ARID3A: variants seen among roughly 807,000 people sequenced by gnomAD.
ARID3A encodes AT-rich interaction domain 3A.
Under a neutral mutation model 52.7 loss-of-function variants are expected in ARID3A, and 11 were observed. That is an observed-to-expected ratio of 0.21 (90% confidence interval 0.13 to 0.35). The LOEUF is 0.35. ARID3A is among the 10% of genes least tolerant of loss of function. The pLI is 1.00. For missense variants in ARID3A, 721 were observed against 838.5 expected (o/e 0.86, Z 1.73); for synonymous variants, 404 against 359.4 (o/e 1.12, Z -1.40).
At chr19:963,868 C>G (rs79249343) in intron 4 of ARID3A, among the ~76,000 whole-genome samples, 1,575 of 152,314 alleles carry the variant, frequency 0.01, 23 homozygotes, top group African/African-American at 0.036. Flanking sequence ...GTGGAGGGAA[C>G]AGGCCTCTGG....
At chr19:937,402 G>C (rs1238568167) in intron 3 of ARID3A, among the ~76,000 whole-genome samples, 1 of 152,208 alleles carries the variant, frequency 6.6e-6, no homozygotes, top group Non-Finnish European at 1.5e-5. Flanking sequence ...TTTCACGGCT[G>C]AGTCATACTC....
chr19:948,796 G>A lies in ARID3A; in HGVS notation c.694-11296G>A, dbSNP rs373486969. On this transcript the variant is annotated intron_variant, in intron 3 of 8. Coordinates refer to ENST00000263620, the MANE Select transcript of ARID3A (RefSeq NM_005224.3). ...ACGATCTCAGCTCACTGCAACCTCCGCCTCCCGGATTCAAGTGATTCTCCT... is the reference window on the plus strand; with the variant it reads ...ACGATCTCAGCTCACTGCAACCTCCACCTCCCGGATTCAAGTGATTCTCCT... 2.9e-4 allele frequency among the ~76,000 whole-genome samples: 39 copies of A among 133,690 alleles called. No individual in the cohort carries two copies. In the East Asian group the frequency reaches 8.4e-3, roughly 29 times the overall value. The allele number at this position is 133,690 out of a possible 152,430, so 87.7% of individuals were successfully genotyped here.
At chr19:925,823 C>G (rs1462807722), upstream of ARID3A, 1 of 152,152 alleles carries the variant, frequency 6.6e-6, no homozygotes, top group African/African-American at 2.4e-5. Context: ...TGCGCGTCGT[C>G]AGACCGCGGG....
intron 2 of ARID3A, among the ~76,000 whole-genome samples, chr19:931,790 A>G (rs1240030720): frequency 3.4e-5 from 5 of 149,196 alleles, no homozygotes; most frequent in African/African-American, 9.8e-5. Context: ...TCCAGCCTGG[A>G]CGACAGAGCG....
rs1402498737 is a variant in ARID3A, at chr19:941,533, C to T, written c.693+8791C>T. Among the ~76,000 whole-genome samples the T allele has an allele frequency of 6.6e-6, 1 of 152,130 alleles. No homozygotes were observed. The highest frequency in any genetic ancestry group is 1.5e-5 in the Non-Finnish European group (1 of 68,022). ...TTCCCACGTCCCTGTTTTGCGTGGACCTGTTGGTGAGTGTGTCCAGACGTG... is the reference window on the plus strand; with the variant it reads ...TTCCCACGTCCCTGTTTTGCGTGGATCTGTTGGTGAGTGTGTCCAGACGTG... On this transcript the variant is annotated intron_variant, in intron 3 of 8. Transcript: ENST00000263620. This position sits in a 1 kb window ranked among gnomAD's most constrained non-coding sequence, Gnocchi z 6.9.
At chr19:937,136 C>T (rs10414086) in intron 3 of ARID3A, among the ~76,000 whole-genome samples, 17,716 of 151,906 alleles carry the variant, frequency 0.12, 1,371 homozygotes, top group East Asian at 0.41. Context: ...GGTGTGGTGG[C>T]GGGCACCTAT....
chr19:935,141 G>A (rs768276370), intron 3 of ARID3A, among the ~76,000 whole-genome samples: 13 of 152,314 alleles, frequency 8.5e-5, no homozygotes, highest in Admixed American at 5.9e-4. Context: ...GCTTGGCACC[G>A]TCTCTGCCTC....
At chr19:958,669 G>A (rs149656861) in intron 3 of ARID3A, among the ~76,000 whole-genome samples, 1,822 of 152,106 alleles carry the variant, frequency 0.012, 33 homozygotes, top group African/African-American at 0.042. Context: ...CGAGGCGGGC[G>A]GATCACGAGG....
In ARID3A at chr19:944,479, C is replaced by T. The variant is rs2037634038; in HGVS notation, c.693+11737C>T. On this transcript the variant is annotated intron_variant, in intron 3 of 8. Transcript: ENST00000263620. The surrounding 1 kb of genome is among the most constrained non-coding windows in gnomAD (Gnocchi z 5.9). ...AGCCCCGTTGCTTCGGTCGATGCCC[C>T]CAAACCTTGACCCATCTCAGGGGCA... Among the ~76,000 whole-genome samples the T allele has an allele frequency of 6.6e-6, 1 of 152,124 alleles. No individual in the cohort carries two copies. The highest frequency in any genetic ancestry group is 1.5e-5 in the Non-Finnish European group (1 of 68,006).
intron 3 of ARID3A, among the ~76,000 whole-genome samples, chr19:933,422 G>A: frequency 6.6e-6 from 1 of 152,200 alleles, no homozygotes; most frequent in African/African-American, 2.4e-5. Context: ...TGCTGGGCCG[G>A]GCAGATGGAA....
At chr19:949,869 T>C (rs1187725069) in intron 3 of ARID3A, among the ~76,000 whole-genome samples, 1 of 150,396 alleles carries the variant, frequency 6.6e-6, no homozygotes, top group Non-Finnish European at 1.5e-5. Flanking sequence ...AGAGACGGGG[T>C]TTCTCCATGT....
chr19:935,612 C>T (rs535896872), intron 3 of ARID3A, among the ~76,000 whole-genome samples: 3 of 151,558 alleles, frequency 2.0e-5, no homozygotes, highest in South Asian at 2.1e-4. Flanking sequence ...TGAGTAGCTG[C>T]GAGTACAGAC....
At chr19:966,113 ATCGCGCCACTGCCC>A (rs1476792893) in intron 6 of ARID3A, among the ~76,000 whole-genome samples, 1 of 151,316 alleles carries the variant, frequency 6.6e-6, no homozygotes, top group African/African-American at 2.4e-5. Flanking sequence ...GTGAGCTGGG[ATCGCGCCACTGCCC>A]TCCAGCCTAA....
rs2038359476 is a variant in ARID3A, at chr19:975,398, A to T, written c.*3333A>T. On this transcript the variant is annotated 3_prime_UTR_variant, in exon 9 of 9. Transcript: ENST00000263620. ...GCAGCTGGGGTCGTTGTTAAGGGTCACGCATCTGTACAGTTGAATTTCCTT... is the reference window on the plus strand; with the variant it reads ...GCAGCTGGGGTCGTTGTTAAGGGTCTCGCATCTGTACAGTTGAATTTCCTT... 4.3e-6 allele frequency: 1 copy of T among 231,624 alleles called. No individual in the cohort carries two copies. Among genetic ancestry groups the T allele is most frequent in the South Asian group, 1.8e-4 (1 of 5,506 alleles). The allele number at this position is 231,624 out of a possible 1,614,324, so 14.3% of individuals were successfully genotyped here. A position where few individuals can be genotyped will look rare whatever the true frequency, so the allele number is the denominator to read the frequency against.
intron 3 of ARID3A, among the ~76,000 whole-genome samples, chr19:936,187 G>A (rs2037435174): frequency 1.3e-5 from 2 of 152,246 alleles, no homozygotes; most frequent in Non-Finnish European, 2.9e-5. Flanking sequence ...AGTGTTGAAT[G>A]AATTTGAGAT....
In ARID3A at chr19:941,269, G is replaced by A. The variant is rs1191313715; in HGVS notation, c.693+8527G>A. Among the ~76,000 whole-genome samples the A allele has an allele frequency of 6.6e-6, 1 of 152,256 alleles. No individual in the cohort carries two copies. Among genetic ancestry groups the A allele is most frequent in the Non-Finnish European group, 1.5e-5 (1 of 68,046 alleles). ...GTGCGAGTGTGCACGCTGGGGCTGT[G>A]GCCGGGCGGCTCGTGGGTCCTGTCT... On this transcript the variant is annotated intron_variant, in intron 3 of 8. Coordinates refer to ENST00000263620, the MANE Select transcript of ARID3A (RefSeq NM_005224.3). This position sits in a 1 kb window ranked among gnomAD's most constrained non-coding sequence, Gnocchi z 6.9.
In ARID3A at chr19:933,856, G is replaced by GT. The variant is rs1555726144; in HGVS notation, c.693+1114_693+1115insT. On this transcript the variant is annotated intron_variant, in intron 3 of 8. Coordinates refer to ENST00000263620, the MANE Select transcript of ARID3A (RefSeq NM_005224.3). ...GCGGCGGGGACTCGGTGGGGGGGGGGGGCGTCTCGCTGATTCCACCCTGCT... is the reference window on the plus strand; with the variant it reads ...GCGGCGGGGACTCGGTGGGGGGGGGGTGGCGTCTCGCTGATTCCACCCTGCT... Among the ~76,000 whole-genome samples, 139 of 143,210 alleles carry GT rather than the reference G, an allele frequency of 9.7e-4. 3 individuals are homozygous for GT. Among genetic ancestry groups the GT allele is most frequent in the Non-Finnish European group, 1.4e-3 (88 of 64,778 alleles). The allele number at this position is 143,210 out of a possible 152,430, so 94.0% of individuals were successfully genotyped here. A position where few individuals can be genotyped will look rare whatever the true frequency, so the allele number is the denominator to read the frequency against.
rs183265540 is a variant in ARID3A, at chr19:959,558, G to A, written c.694-534G>A. ...GGTGCTGGGATTACAGGTGTGAGCC[G>A]CCACCCTGAAGAGAAGTTGGTTTTG... On this transcript the variant is annotated intron_variant, in intron 3 of 8. Coordinates refer to ENST00000263620, the MANE Select transcript of ARID3A (RefSeq NM_005224.3). This position sits in a 1 kb window ranked among gnomAD's most constrained non-coding sequence, Gnocchi z 5.0. Among the ~76,000 whole-genome samples the A allele has an allele frequency of 3.3e-5, 5 of 152,096 alleles. No homozygotes were observed. The highest frequency in any genetic ancestry group is 5.9e-5 in the Non-Finnish European group (4 of 67,972).
chr19:956,032 G>T (rs2037909326), intron 3 of ARID3A, among the ~76,000 whole-genome samples: 1 of 152,034 alleles, frequency 6.6e-6, no homozygotes, highest in Admixed American at 6.6e-5. Flanking sequence ...GTCTCTGTGC[G>T]ACCGTCTCCA....
Sources: gnomAD v4.1 joint callset for allele counts (sites outside exome capture counted in the v4.1 genomes callset) on GRCh38, gnomAD v4.1.1 for gene constraint, Gnocchi (gnomAD v3.1) non-coding constraint, MANE v1.5 for transcripts, NCBI Gene and HGNC (gene_info 2026-07-23, HGNC 2026-07-21) for gene names.